LRRC37A2: variants seen among roughly 807,000 people sequenced by gnomAD.
The protein encoded by LRRC37A2 is leucine rich repeat containing 37 member A2.
A neutral mutation model predicts 68.8 loss-of-function variants in LRRC37A2; 9 were observed. That is an observed-to-expected ratio of 0.13 (90% confidence interval 0.08 to 0.23). LRRC37A2 has a LOEUF of 0.23. Ranked by LOEUF, LRRC37A2 falls within the 10% of genes least tolerant of loss-of-function variation. The pLI, the probability that LRRC37A2 is intolerant of heterozygous loss-of-function variation, is 1.00. For missense variants in LRRC37A2, 168 were observed against 950.4 expected, an observed-to-expected ratio of 0.18 and a Z score of 10.82; for synonymous variants, 63 against 367.6, an observed-to-expected ratio of 0.17 and a Z score of 9.48.
At chr17:46,893,238 G>C in the LRRC37A2 span, among the ~76,000 whole-genome samples, 1 of 152,140 alleles carries the variant, frequency 6.6e-6, no homozygotes. Flanking sequence ...TTGGCTACCT[G>C]AACTTTCTTA....
the LRRC37A2 span, among the ~76,000 whole-genome samples, chr17:46,792,691 C>T: frequency 6.3e-4 from 96 of 152,282 alleles, no homozygotes; most frequent in South Asian, 1.2e-3. Flanking sequence ...CCAGGCTAGC[C>T]TCGAACTACT....
the LRRC37A2 span, chr17:46,721,593 A>G: frequency 6.4e-7 from 1 of 1,559,670 alleles, no homozygotes. Flanking sequence ...TACAATTGAA[A>G]CTCTGGGAAT....
the LRRC37A2 span, among the ~76,000 whole-genome samples, chr17:46,782,517 T>G: frequency 6.6e-6 from 1 of 152,228 alleles, no homozygotes; most frequent in African/African-American, 2.4e-5. Flanking sequence ...AGGAAAGGTT[T>G]GAGGAAAGAG....
the LRRC37A2 span, chr17:46,755,751 T>A: frequency 6.4e-7 from 1 of 1,557,210 alleles, no homozygotes; most frequent in Non-Finnish European, 8.7e-7. Context: ...TGATGAATAG[T>A]TTTTTACGGA....
the LRRC37A2 span, among the ~76,000 whole-genome samples, chr17:46,862,542 A>T: frequency 1.3e-5 from 2 of 152,194 alleles, no homozygotes; most frequent in Admixed American, 1.3e-4. Context: ...TCTGAGCCCA[A>T]GTCACTGCGA....
At chr17:46,747,437 C>T in the LRRC37A2 span, among the ~76,000 whole-genome samples, 1 of 152,092 alleles carries the variant, frequency 6.6e-6, no homozygotes, top group Non-Finnish European at 1.5e-5. Context: ...TTTGCCACCA[C>T]ACCCGGCTAA....
At chr17:46,837,177 G>A in the LRRC37A2 span, among the ~76,000 whole-genome samples, 5 of 151,864 alleles carry the variant, frequency 3.3e-5, no homozygotes, top group Non-Finnish European at 5.9e-5. Context: ...TCTTGACCTC[G>A]TGATCTGCCC....
chr17:46,835,344 TG>T, the LRRC37A2 span, among the ~76,000 whole-genome samples: 1 of 152,142 alleles, frequency 6.6e-6, no homozygotes, highest in Non-Finnish European at 1.5e-5. Context: ...CCCGAGTAGC[TG>T]GGACTACAGG....
the LRRC37A2 span, among the ~76,000 whole-genome samples, chr17:46,765,523 G>A: frequency 6.9e-3 from 1,049 of 152,362 alleles, 15 homozygotes; most frequent in African/African-American, 0.024. Flanking sequence ...GAGGGCCCGG[G>A]GCCTGCTCTG....
the LRRC37A2 span, among the ~76,000 whole-genome samples, chr17:46,802,096 C>G: frequency 1.3e-3 from 202 of 152,264 alleles, 1 homozygote; most frequent in Middle Eastern, 6.8e-3. Flanking sequence ...TATATTTGGT[C>G]TTCGACCTAG....
At chr17:47,030,082 AATAATAATCATC>A in the LRRC37A2 span, among the ~76,000 whole-genome samples, 112 of 46,252 alleles carry the variant, frequency 2.4e-3, 1 homozygote, top group Middle Eastern at 0.019. Flanking sequence ...TAATAATAAT[AATAATAATCATC>A]ATCATCATCA....
the LRRC37A2 span, among the ~76,000 whole-genome samples, chr17:46,725,953 C>T: frequency 2.0e-5 from 3 of 152,172 alleles, no homozygotes; most frequent in Non-Finnish European, 2.9e-5. Flanking sequence ...AGGCTAAAAC[C>T]GTTCCTTCAC....
At chr17:46,869,391 G>T in the LRRC37A2 span, among the ~76,000 whole-genome samples, 1 of 152,332 alleles carries the variant, frequency 6.6e-6, no homozygotes, top group Non-Finnish European at 1.5e-5. Context: ...TCCCTCCAGG[G>T]TCTCTTCCCC....
the LRRC37A2 span, among the ~76,000 whole-genome samples, chr17:46,797,405 G>C: frequency 6.6e-6 from 1 of 152,200 alleles, no homozygotes; most frequent in East Asian, 1.9e-4. Flanking sequence ...AAGTGGAGGA[G>C]GGAAAGGAAA....
At chr17:46,918,030 T>C in the LRRC37A2 span, among the ~76,000 whole-genome samples, 1 of 152,264 alleles carries the variant, frequency 6.6e-6, no homozygotes, top group Admixed American at 6.5e-5. Flanking sequence ...AAATCTTTGT[T>C]GTTAAATCAC....
chr17:46,808,281 G>A, the LRRC37A2 span, among the ~76,000 whole-genome samples: 1 of 152,344 alleles, frequency 6.6e-6, no homozygotes, highest in Middle Eastern at 3.4e-3. Context: ...CTGATGGCTT[G>A]TGGAAAGGTG....
the LRRC37A2 span, among the ~76,000 whole-genome samples, chr17:46,716,547 G>A: frequency 5.3e-5 from 8 of 152,122 alleles, no homozygotes; most frequent in Admixed American, 2.6e-4. Flanking sequence ...ATGAGCCACC[G>A]CGCCCGGCCT....
At chr17:47,047,942 T>C in the LRRC37A2 span, among the ~76,000 whole-genome samples, 1 of 151,282 alleles carries the variant, frequency 6.6e-6, no homozygotes, top group Admixed American at 6.6e-5. Context: ...AAAATGTGAC[T>C]ACTTTCATGT....
At chr17:46,823,022 T>TGTATTTATAATAAATAC in the LRRC37A2 span, among the ~76,000 whole-genome samples, 2 of 133,984 alleles carry the variant, frequency 1.5e-5, no homozygotes, top group African/African-American at 2.8e-5. Context: ...ATAATAAATA[T>TGTATTTATAATAAATAC]GTATTTATAA....
Sources: gnomAD v4.1 joint callset for allele counts (sites outside exome capture counted in the v4.1 genomes callset) on GRCh38, gnomAD v4.1.1 for gene constraint, MANE v1.5 for transcripts, NCBI Gene and HGNC (gene_info 2026-07-23, HGNC 2026-07-21) for gene names.